The following PREP variants were observed in gnomAD, a reference collection of about 807,000 sequenced individuals.
The protein encoded by PREP is dJ355L5.1 (prolyl endopeptidase).
A neutral mutation model predicts 87.6 loss-of-function variants in PREP; 29 were observed. The observed-to-expected ratio is 0.33, with a 90% CI of 0.25 to 0.45. The LOEUF (loss-of-function observed/expected upper bound fraction) is 0.45, where lower values mean the gene tolerates loss of function less well. PREP is among the 20% of genes least tolerant of loss of function. PREP has a pLI of 1.00. For missense variants in PREP, 695 were observed against 886.5 expected (o/e 0.78, Z 2.74); for synonymous variants, 337 against 328.6 (o/e 1.03, Z -0.28).
intron 10 of PREP, among the ~76,000 whole-genome samples, chr6:105,297,971 A>T (rs893642755): frequency 1.3e-5 from 2 of 152,246 alleles, no homozygotes; most frequent in Non-Finnish European, 2.9e-5. Flanking sequence ...GGGACACAGA[A>T]GATAAAACCA....
chr6:105,342,050 C>T (rs1477225214), intron 7 of PREP, among the ~76,000 whole-genome samples: 16 of 152,200 alleles, frequency 1.1e-4, no homozygotes, highest in Admixed American at 1.0e-3. Flanking sequence ...CAGCATCATC[C>T]TGATACCAAA....
At chr6:105,280,549 CAT>C (rs1209432094) in intron 14 of PREP, 3 of 152,042 alleles carry the variant, frequency 2.0e-5, no homozygotes, top group African/African-American at 7.2e-5. Flanking sequence ...CAGTTTCAAA[CAT>C]ATGTAGCTAT....
intron 6 of PREP, among the ~76,000 whole-genome samples, chr6:105,361,538 T>C (rs749776039): frequency 1.3e-5 from 2 of 152,164 alleles, no homozygotes; most frequent in African/African-American, 2.4e-5. Context: ...TTTTCTTTTA[T>C]ATGTTATAAT....
chr6:105,377,379 G>C lies in PREP; in HGVS notation c.254+7C>G, dbSNP rs750794897. 2 of 1,594,704 alleles carry C rather than the reference G, an allele frequency of 1.3e-6. No individual in the cohort carries two copies. The highest frequency in any genetic ancestry group is 1.7e-6 in the Non-Finnish European group (2 of 1,173,770). ...ATAAAAAGGAAATTCAGTAAAAGCAGTCTCACCGTTTTCCTTTCTTGAAGT... is the reference window on the plus strand; with the variant it reads ...ATAAAAAGGAAATTCAGTAAAAGCACTCTCACCGTTTTCCTTTCTTGAAGT... On this transcript the variant is annotated splice_region_variant and intron_variant, in intron 3 of 14. Coordinates refer to ENST00000652536, the MANE Select transcript of PREP (RefSeq NM_002726.5).
rs1231135932 is a variant in PREP at position 105,363,062 on chromosome 6, CA to C, written c.717+5840del. Among the ~76,000 whole-genome samples the C allele has an allele frequency of 3.9e-5, 6 of 152,162 alleles. No individual in the cohort carries two copies. The East Asian group carries it at 1.2e-3, about 29-fold the overall frequency. The stretch of plus-strand genomic sequence containing the variant: ...TTTATATGTTAATATATGTGTAATA[CA>C]TATGTTTTTAATTACTAGGGTTCAC... On this transcript the variant is annotated intron_variant, in intron 6 of 14. Transcript: ENST00000652536.
Position 105,283,192 on chromosome 6 carries a change from C to T in PREP, c.1550-610G>A, listed in dbSNP as rs918174809. Among the ~76,000 whole-genome samples the T allele has an allele frequency of 4.6e-5, 7 of 152,288 alleles. 1 individual carries two copies. The Middle Eastern group carries it at 0.014, about 296-fold the overall frequency. On this transcript the variant is annotated intron_variant, in intron 12 of 14. Coordinates refer to ENST00000652536, the MANE Select transcript of PREP (RefSeq NM_002726.5). Reference sequence around the variant, plus strand: ...GGAATTGGGTGGTGAGGTAGCGTTGCGGCAGAGCATCACATTATGTTTTCT... The same window carrying T: ...GGAATTGGGTGGTGAGGTAGCGTTGTGGCAGAGCATCACATTATGTTTTCT...
chr6:105,360,224 T>G (rs1772211470), intron 6 of PREP, among the ~76,000 whole-genome samples: 3 of 152,188 alleles, frequency 2.0e-5, no homozygotes, highest in African/African-American at 7.2e-5. Context: ...CTTTGTGCTG[T>G]GAGTCAGCTA....
At chr6:105,317,784 C>T (rs564982545) in intron 10 of PREP, among the ~76,000 whole-genome samples, 12 of 152,264 alleles carry the variant, frequency 7.9e-5, no homozygotes, top group South Asian at 4.2e-4. Context: ...GCTTCCTCAC[C>T]GTGCCAGGCA....
chr6:105,400,321 C>T (rs1773393797), intron 1 of PREP, among the ~76,000 whole-genome samples: 1 of 152,194 alleles, frequency 6.6e-6, no homozygotes, highest in African/African-American at 2.4e-5. Flanking sequence ...CCACTGCCTT[C>T]AGGATAAAGT....
chr6:105,371,242 C>T lies in PREP; in HGVS notation c.595+2127G>A, dbSNP rs143327272. On this transcript the variant is annotated intron_variant, in intron 5 of 14. Coordinates refer to ENST00000652536, the MANE Select transcript of PREP (RefSeq NM_002726.5). ...AGTATCGGCCAGGCGTGGTGGCTCACGCCTATAATCCCAGCACTTTGGGAG... is the reference window on the plus strand; with the variant it reads ...AGTATCGGCCAGGCGTGGTGGCTCATGCCTATAATCCCAGCACTTTGGGAG... Among the ~76,000 whole-genome samples the T allele has an allele frequency of 9.6e-3, 1,459 of 152,222 alleles. 9 individuals carry two copies. Among genetic ancestry groups the T allele is most frequent in the Non-Finnish European group, 0.015 (999 of 68,002 alleles).
chr6:105,363,214 G>A (rs1338251938), intron 6 of PREP, among the ~76,000 whole-genome samples: 2 of 152,138 alleles, frequency 1.3e-5, no homozygotes, highest in Non-Finnish European at 1.5e-5. Flanking sequence ...GATTTAGGGA[G>A]ATAATCACAA....
chr6:105,331,110 G>C (rs145577469), intron 8 of PREP, among the ~76,000 whole-genome samples: 1 of 152,212 alleles, frequency 6.6e-6, no homozygotes, highest in East Asian at 1.9e-4. Flanking sequence ...ATTAATAAAA[G>C]CTCTGACTTT....
chr6:105,385,735 T>G (rs1772974787), intron 2 of PREP, among the ~76,000 whole-genome samples: 1 of 152,232 alleles, frequency 6.6e-6, no homozygotes. Context: ...GCTACTTTGC[T>G]AAATGGCTCA....
At chr6:105,336,993 T>C (rs1771500114) in intron 7 of PREP, among the ~76,000 whole-genome samples, 1 of 152,196 alleles carries the variant, frequency 6.6e-6, no homozygotes, top group Non-Finnish European at 1.5e-5. Context: ...CCAGAAGTTC[T>C]ACTTAGTCAT....
chr6:105,363,825 G>T (rs1161261744), intron 6 of PREP, among the ~76,000 whole-genome samples: 1 of 152,164 alleles, frequency 6.6e-6, no homozygotes, highest in Non-Finnish European at 1.5e-5. Context: ...AATGCTTCTG[G>T]GATCAAAAGC....
Position 105,375,463 on chromosome 6 carries a change from C to G in PREP, c.385+662G>C, listed in dbSNP as rs139938429. Among the ~76,000 whole-genome samples, 103 of 152,308 alleles carry G rather than the reference C, an allele frequency of 6.8e-4. 1 individual carries two copies. The highest frequency in any genetic ancestry group is 2.4e-3 in the African/African-American group (100 of 41,562). ...TAACTTAGTTCCTTACCCTAGAACT[C>G]TGCTTACTGCAGAAACCTTGGATAA... On this transcript the variant is annotated intron_variant, in intron 4 of 14. Coordinates refer to ENST00000652536, the MANE Select transcript of PREP (RefSeq NM_002726.5).
At chr6:105,329,360 C>T (rs1771259869) in intron 8 of PREP, among the ~76,000 whole-genome samples, 1 of 152,094 alleles carries the variant, frequency 6.6e-6, no homozygotes, top group Admixed American at 6.6e-5. Context: ...ACTATGTAGG[C>T]CAAACTGGTC....
intron 10 of PREP, among the ~76,000 whole-genome samples, chr6:105,309,549 C>T (rs1770717965): frequency 6.6e-6 from 1 of 152,024 alleles, no homozygotes; most frequent in Admixed American, 6.6e-5. Flanking sequence ...GGGGTTTCGC[C>T]ATGTTGGCCA....
chr6:105,289,903 G>A (rs1230943370), intron 10 of PREP, among the ~76,000 whole-genome samples: 1 of 152,078 alleles, frequency 6.6e-6, no homozygotes, highest in Non-Finnish European at 1.5e-5. Flanking sequence ...TAGCAGTTCT[G>A]TTGCGCAAAG....
Sources: allele counts gnomAD v4.1 joint callset (sites outside exome capture counted in the v4.1 genomes callset), GRCh38; gene constraint gnomAD v4.1.1; transcripts MANE v1.5; gene names NCBI Gene and HGNC (gene_info 2026-07-23, HGNC 2026-07-21).